The following SHISA6 variants were observed in gnomAD, a reference collection of about 807,000 sequenced individuals.
The protein encoded by SHISA6 is protein shisa-6.
In SHISA6, 22 loss-of-function variants were observed where a neutral mutation model predicts 47.9. The ratio of observed to expected loss-of-function variants is 0.46; its 90% confidence interval spans 0.33 to 0.66. The LOEUF (loss-of-function observed/expected upper bound fraction) is 0.66, where lower values mean the gene tolerates loss of function less well. Ranked by LOEUF, SHISA6 falls within the 30% of genes least tolerant of loss-of-function variation. The pLI, the probability that SHISA6 is intolerant of heterozygous loss-of-function variation, is 0.02. For missense variants in SHISA6, 680 were observed against 764.6 expected (o/e 0.89, Z 1.30); for synonymous variants, 388 against 337.8 (o/e 1.15, Z -1.63).
intron 3 of SHISA6, among the ~76,000 whole-genome samples, chr17:11,548,458 T>TAC (rs376095434): frequency 0.011 from 1,561 of 146,818 alleles, 14 homozygotes; most frequent in Middle Eastern, 0.029. Context: ...TATATATATA[T>TAC]ACATATATCA....
intron 3 of SHISA6, among the ~76,000 whole-genome samples, chr17:11,474,310 T>C (rs1012710480): frequency 3.3e-5 from 5 of 152,122 alleles, no homozygotes; most frequent in Admixed American, 6.6e-5. Flanking sequence ...ACTCTAATGA[T>C]CAGTGATGAT....
At chr17:11,394,782 T>C (rs916272868) in intron 3 of SHISA6, among the ~76,000 whole-genome samples, 4 of 152,094 alleles carry the variant, frequency 2.6e-5, no homozygotes, top group Admixed American at 1.3e-4. Context: ...AATTTTAACA[T>C]TTTAACACAT....
intron 3 of SHISA6, among the ~76,000 whole-genome samples, chr17:11,521,996 C>G (rs535071025): frequency 4.0e-5 from 6 of 151,762 alleles, no homozygotes; most frequent in African/African-American, 1.5e-4. Context: ...GACAGAGTCT[C>G]GCTCTGTCAC....
At chr17:11,445,680 C>T (rs1240046001) in intron 3 of SHISA6, among the ~76,000 whole-genome samples, 3 of 152,104 alleles carry the variant, frequency 2.0e-5, no homozygotes, top group Non-Finnish European at 2.9e-5. Context: ...AAGACACTGT[C>T]CTTGACCATA....
At chr17:11,300,842 G>T (rs1424622968) in intron 2 of SHISA6, among the ~76,000 whole-genome samples, 1 of 151,954 alleles carries the variant, frequency 6.6e-6, no homozygotes, top group African/African-American at 2.4e-5. Context: ...GGGAAGGGAG[G>T]TGGAGCACAT....
chr17:11,257,403 A>G (rs1908054681), intron 1 of SHISA6, among the ~76,000 whole-genome samples: 1 of 152,124 alleles, frequency 6.6e-6, no homozygotes, highest in Admixed American at 6.6e-5. Context: ...GCTTAAACCT[A>G]TCATTCCAGC....
At chr17:11,269,677 A>G (rs1908567730) in intron 2 of SHISA6, among the ~76,000 whole-genome samples, 1 of 152,166 alleles carries the variant, frequency 6.6e-6, no homozygotes, top group Non-Finnish European at 1.5e-5. Context: ...GTCATCCCCA[A>G]AGAAACAGAA....
chr17:11,534,157 C>CT (rs373384700), intron 3 of SHISA6, among the ~76,000 whole-genome samples: 2,139 of 93,094 alleles, frequency 0.023, 45 homozygotes, highest in African/African-American at 0.073. Flanking sequence ...TCTTTTTTTT[C>CT]TTTTTTTTTT....
At chr17:11,500,126 C>T (rs190540445) in intron 3 of SHISA6, among the ~76,000 whole-genome samples, 62 of 152,280 alleles carry the variant, frequency 4.1e-4, no homozygotes, top group African/African-American at 1.3e-3. Context: ...AGAATTCAGA[C>T]GGGCACACCC....
At chr17:11,316,578 G>A (rs984807517) in intron 2 of SHISA6, among the ~76,000 whole-genome samples, 47 of 151,836 alleles carry the variant, frequency 3.1e-4, no homozygotes, top group Middle Eastern at 3.4e-3. Flanking sequence ...GTGCCACCAC[G>A]CCCGGCTAAT....
intron 2 of SHISA6, among the ~76,000 whole-genome samples, chr17:11,291,368 G>T (rs1909534737): frequency 6.6e-6 from 1 of 152,076 alleles, no homozygotes; most frequent in Admixed American, 6.6e-5. Context: ...GATTTTGGTG[G>T]CTTACACCTG....
chr17:11,260,470 C>T (rs1052048328), intron 1 of SHISA6, among the ~76,000 whole-genome samples: 8 of 152,072 alleles, frequency 5.3e-5, no homozygotes, highest in Middle Eastern at 6.8e-3. Flanking sequence ...CTCACTTGGC[C>T]GTCTCTGTGT....
chr17:11,387,169 T>C (rs1913223151), intron 3 of SHISA6, among the ~76,000 whole-genome samples: 2 of 152,184 alleles, frequency 1.3e-5, no homozygotes, highest in Admixed American at 6.5e-5. Context: ...CGAGCACCTT[T>C]CCAGACCCCA....
intron 2 of SHISA6, among the ~76,000 whole-genome samples, chr17:11,269,261 T>C (rs1435425568): frequency 6.6e-6 from 1 of 152,084 alleles, no homozygotes; most frequent in Non-Finnish European, 1.5e-5. Context: ...AGGATGGTCT[T>C]GATCTCTTGA....
At chr17:11,494,115 C>A (rs2071388889) in intron 3 of SHISA6, among the ~76,000 whole-genome samples, 1 of 152,116 alleles carries the variant, frequency 6.6e-6, no homozygotes, top group South Asian at 2.1e-4. Context: ...CCAGCAGGCT[C>A]CCAGTCCATA....
At chr17:11,498,998 T>C (rs2071429291) in intron 3 of SHISA6, among the ~76,000 whole-genome samples, 1 of 152,108 alleles carries the variant, frequency 6.6e-6, no homozygotes, top group African/African-American at 2.4e-5. Flanking sequence ...AGGTGGAAGC[T>C]GCAGTCACAC....
intron 2 of SHISA6, among the ~76,000 whole-genome samples, chr17:11,378,582 T>G (rs779351210): frequency 6.6e-5 from 10 of 152,224 alleles, no homozygotes; most frequent in Non-Finnish European, 1.5e-4. Flanking sequence ...ATGCCTGTAT[T>G]TCAAGCGTAC....
intron 3 of SHISA6, among the ~76,000 whole-genome samples, chr17:11,384,151 C>T (rs1373044263): frequency 6.6e-6 from 1 of 152,218 alleles, no homozygotes; most frequent in Non-Finnish European, 1.5e-5. Flanking sequence ...CCTAAGTCAA[C>T]ATCAAGCAGT....
At chr17:11,409,555 T>G (rs976400200) in intron 3 of SHISA6, among the ~76,000 whole-genome samples, 1 of 151,466 alleles carries the variant, frequency 6.6e-6, no homozygotes, top group Non-Finnish European at 1.5e-5. Context: ...AATACAAAAA[T>G]TAGCCAGGAG....
Sources: gnomAD v4.1 joint callset for allele counts (sites outside exome capture counted in the v4.1 genomes callset) on GRCh38, gnomAD v4.1.1 for gene constraint, MANE v1.5 for transcripts, NCBI Gene and HGNC (gene_info 2026-07-23, HGNC 2026-07-21) for gene names.